The following PDE10A variants were observed in gnomAD, a reference collection of about 807,000 sequenced individuals.
The protein encoded by PDE10A is phosphodiesterase 10A, also known as cAMP and cAMP-inhibited cGMP 3',5'-cyclic phosphodiesterase 10A.
In PDE10A, 39 loss-of-function variants were observed where a neutral mutation model predicts 97.7. The ratio of observed to expected loss-of-function variants is 0.40; its 90% CI spans 0.31 to 0.52. The LOEUF is 0.52. Ranked by LOEUF, PDE10A falls within the 20% of genes least tolerant of loss-of-function variation. PDE10A has a pLI of 0.56. For missense variants in PDE10A, 731 were observed against 1,047.8 expected (o/e 0.70, Z 4.17); for synonymous variants, 371 against 376.8 (o/e 0.98, Z 0.18).
chr6:165,917,953 C>T (rs1782653472), intron 1 of PDE10A, among the ~76,000 whole-genome samples: 2 of 152,222 alleles, frequency 1.3e-5, no homozygotes, highest in Non-Finnish European at 2.9e-5. Context: ...CACTGGCGCG[C>T]TGTCTTATCA....
At chr6:165,425,515 T>C (rs1583260298) in intron 10 of PDE10A, among the ~76,000 whole-genome samples, 1 of 151,924 alleles carries the variant, frequency 6.6e-6, no homozygotes, top group Non-Finnish European at 1.5e-5. Context: ...CGCAATAAAG[T>C]AGGAAAAAAG....
intron 20 of PDE10A, among the ~76,000 whole-genome samples, chr6:165,337,360 G>T (rs1244154185): frequency 6.6e-6 from 1 of 152,162 alleles, no homozygotes; most frequent in Non-Finnish European, 1.5e-5. Context: ...TTTCTCGAAA[G>T]TACTGAACTT....
At chr6:165,616,475 T>C (rs984729889) in intron 1 of PDE10A, among the ~76,000 whole-genome samples, 1 of 152,232 alleles carries the variant, frequency 6.6e-6, no homozygotes, top group South Asian at 2.1e-4. Flanking sequence ...AAAACGTTTT[T>C]TTTAGGCCTA....
chr6:165,717,578 C>T (rs59251190), intron 1 of PDE10A, among the ~76,000 whole-genome samples: 1,596 of 114,610 alleles, frequency 0.014, 30 homozygotes, highest in African/African-American at 0.048. Flanking sequence ...AGAGAGACTC[C>T]GTCTCAAAAA....
At chr6:165,623,704 A>G (rs1171149009) in intron 1 of PDE10A, among the ~76,000 whole-genome samples, 1 of 152,032 alleles carries the variant, frequency 6.6e-6, no homozygotes, top group Admixed American at 6.6e-5. Flanking sequence ...GCGGAACCCA[A>G]TGGTGGGCTT....
At chr6:165,702,638 A>T (rs142154219) in intron 1 of PDE10A, among the ~76,000 whole-genome samples, 6 of 152,360 alleles carry the variant, frequency 3.9e-5, no homozygotes, top group Admixed American at 6.5e-5. Flanking sequence ...TGAATGTACT[A>T]AACTGAGAAG....
chr6:165,437,346 CATT>C (rs1340940083), intron 5 of PDE10A, among the ~76,000 whole-genome samples: 2 of 152,028 alleles, frequency 1.3e-5, no homozygotes, highest in Admixed American at 1.3e-4. Context: ...TACATTCCTA[CATT>C]ATTAGATGAT....
chr6:165,561,668 T>C (rs74923349), intron 1 of PDE10A, among the ~76,000 whole-genome samples: 2,706 of 152,310 alleles, frequency 0.018, 84 homozygotes, highest in African/African-American at 0.061. Context: ...TAACCAGTTA[T>C]TGGTCCTAAA....
chr6:165,609,546 C>T (rs1386980935), intron 1 of PDE10A, among the ~76,000 whole-genome samples: 4 of 152,200 alleles, frequency 2.6e-5, no homozygotes, highest in South Asian at 2.1e-4. Flanking sequence ...GGTATTCAAG[C>T]AGGAAAAGAG....
At chr6:165,464,674 C>A (rs1778529720) in intron 3 of PDE10A, among the ~76,000 whole-genome samples, 1 of 152,180 alleles carries the variant, frequency 6.6e-6, no homozygotes, top group Admixed American at 6.5e-5. Flanking sequence ...TCCCTGTCCT[C>A]AAAACAGCCA....
At chr6:165,781,359 T>C (rs992981417) in intron 1 of PDE10A, 2 of 152,154 alleles carry the variant, frequency 1.3e-5, no homozygotes, top group Non-Finnish European at 2.9e-5. Context: ...ACACTGGGGA[T>C]CAGGTTAAGT....
chr6:165,836,890 C>T (rs1780076152), intron 1 of PDE10A, among the ~76,000 whole-genome samples: 1 of 152,084 alleles, frequency 6.6e-6, no homozygotes, highest in Non-Finnish European at 1.5e-5. Context: ...GAGTTCATGT[C>T]GTTTGTAGGG....
At chr6:165,879,531 T>C (rs1050992689) in intron 1 of PDE10A, among the ~76,000 whole-genome samples, 3 of 152,206 alleles carry the variant, frequency 2.0e-5, no homozygotes, top group African/African-American at 7.2e-5. Context: ...TTTAACTTAA[T>C]TACATTAGCA....
At chr6:165,684,071 G>C (rs1791050181) in intron 1 of PDE10A, among the ~76,000 whole-genome samples, 1 of 152,098 alleles carries the variant, frequency 6.6e-6, no homozygotes, top group Non-Finnish European at 1.5e-5. Flanking sequence ...CATGTTTGCA[G>C]TGAGGCCTTC....
chr6:165,925,225 T>C (rs1225986897), intron 1 of PDE10A, among the ~76,000 whole-genome samples: 1 of 151,944 alleles, frequency 6.6e-6, no homozygotes, highest in Non-Finnish European at 1.5e-5. Flanking sequence ...ATACAAAAAA[T>C]AAAAAACACT....
At chr6:165,463,367 T>C (rs914228854) in intron 3 of PDE10A, among the ~76,000 whole-genome samples, 55 of 152,314 alleles carry the variant, frequency 3.6e-4, no homozygotes, top group Admixed American at 3.1e-3. Flanking sequence ...ATCTACAAAC[T>C]GGTTTTTGGA....
At chr6:165,892,084 G>C (rs1230573710) in intron 1 of PDE10A, among the ~76,000 whole-genome samples, 1 of 152,140 alleles carries the variant, frequency 6.6e-6, no homozygotes, top group South Asian at 2.1e-4. Context: ...GGGTGAAGAA[G>C]GAAAAAGTAT....
At chr6:165,884,868 G>A (rs1781585204) in intron 1 of PDE10A, among the ~76,000 whole-genome samples, 1 of 152,194 alleles carries the variant, frequency 6.6e-6, no homozygotes, top group Non-Finnish European at 1.5e-5. Flanking sequence ...GGGCTAATTG[G>A]ACACAACACA....
intron 1 of PDE10A, among the ~76,000 whole-genome samples, chr6:165,900,927 G>C (rs1183729386): frequency 6.6e-6 from 1 of 152,196 alleles, no homozygotes; most frequent in African/African-American, 2.4e-5. Flanking sequence ...GAGCAAGTTT[G>C]TGTTTAAAAC....
Sources: gnomAD v4.1 joint callset for allele counts (sites outside exome capture counted in the v4.1 genomes callset) on GRCh38, gnomAD v4.1.1 for gene constraint, MANE v1.5 for transcripts, NCBI Gene and HGNC (gene_info 2026-07-23, HGNC 2026-07-21) for gene names.